Variants in KLHL26 observed in about 807,000 individuals in gnomAD.
KLHL26 encodes the protein kelch like family member 26, also known as kelch-like protein 26.
In KLHL26, 4 loss-of-function variants were observed where a neutral mutation model predicts 7.1. That is an observed-to-expected ratio of 0.56 (90% CI 0.28 to 1.28). KLHL26 has a LOEUF of 1.28. Among genes scored for constraint, KLHL26 ranks in the 50% most tolerant of loss-of-function variants. The pLI is 0.11. For synonymous variants in KLHL26, 465 were observed against 414.1 expected, an observed-to-expected ratio of 1.12 and a Z score of -1.49; for missense variants, 896 against 924.6, an observed-to-expected ratio of 0.97 and a Z score of 0.40.
At chr19:18,643,950 T>C (rs1976759043) in intron 1 of KLHL26, among the ~76,000 whole-genome samples, 1 of 152,206 alleles carries the variant, frequency 6.6e-6, no homozygotes, top group South Asian at 2.1e-4. Flanking sequence ...ATTCACCCAC[T>C]TTAAGTGAAC....
At chr19:18,643,316 G>A (rs71332134) in intron 1 of KLHL26, among the ~76,000 whole-genome samples, 9 of 151,262 alleles carry the variant, frequency 5.9e-5, no homozygotes, top group South Asian at 4.2e-4. Flanking sequence ...TTGGTGGCAC[G>A]TGCCTGTAAT....
Position 18,667,961 on chromosome 19 carries a change from C to A in KLHL26, c.564C>A (p.Thr188=). The part of the protein sequence containing the change: ...ASLRESVDAF[T]FRHFLQIAEE... ...TGCGAGAGTCGGTGGATGCCTTCAC[C>A]TTCCGGCACTTCCTGCAGATCGCCG... The change falls in exon 3 of 3, where the codon ACC becomes ACA. Residue 188 remains threonine (T), a synonymous_variant. Coordinates refer to ENST00000300976, the MANE Select transcript of KLHL26 (RefSeq NM_018316.3). The A allele has an allele frequency of 2.5e-6, 4 of 1,609,080 alleles. No homozygotes were observed. The highest frequency in any genetic ancestry group is 3.4e-6 in the Non-Finnish European group (4 of 1,179,976).
rs564833740 is a variant in KLHL26 at position 18,648,157 on chromosome 19, T to C, written c.83+11020T>C. On this transcript the variant is annotated intron_variant, in intron 1 of 2. Coordinates refer to ENST00000300976, the MANE Select transcript of KLHL26 (RefSeq NM_018316.3). The surrounding 1 kb of genome is among the most constrained non-coding windows in gnomAD (Gnocchi z 4.9). ...GCCAAGGCGGGTAGATCACTTGAGGTCAGGAGTTCGAGACCAGCCTGGGCA... is the reference window on the plus strand; with the variant it reads ...GCCAAGGCGGGTAGATCACTTGAGGCCAGGAGTTCGAGACCAGCCTGGGCA... Among the ~76,000 whole-genome samples, 18 of 152,202 alleles carry C rather than the reference T, an allele frequency of 1.2e-4. No individual in the cohort carries two copies. In the East Asian group the frequency reaches 3.5e-3, roughly 29 times the overall value.
rs1467607154 is a variant in KLHL26, at chr19:18,669,259, C to A, written c.*14C>A. On this transcript the variant is annotated 3_prime_UTR_variant, in exon 3 of 3. Transcript: ENST00000300976. ...ACCAGGAGGTAGCCCCCAAGACCCCCGGGACCCTGGCCTGACCGCATGTTG... is the reference window on the plus strand; with the variant it reads ...ACCAGGAGGTAGCCCCCAAGACCCCAGGGACCCTGGCCTGACCGCATGTTG... 3 of 1,597,338 alleles carry A rather than the reference C, an allele frequency of 1.9e-6. No individual in the cohort carries two copies. In the Admixed American group the frequency reaches 5.1e-5, roughly 27 times the overall value.
rs769493872 is a variant in KLHL26 at position 18,667,599 on chromosome 19, C to T, written c.267-65C>T. On this transcript the variant is annotated intron_variant, in intron 2 of 2. Transcript: ENST00000300976. Reference sequence around the variant, plus strand: ...CAGGCTACTGTTCCCCAGGCCAGATCATTCCTGGCTGGCCAAAACACCCCT... The same window carrying T: ...CAGGCTACTGTTCCCCAGGCCAGATTATTCCTGGCTGGCCAAAACACCCCT... 5.1e-6 allele frequency: 8 copies of T among 1,556,728 alleles called. No homozygotes were observed. In the East Asian group the frequency reaches 1.8e-4, roughly 35 times the overall value.
chr19:18,662,647 T>C (rs959006032), intron 1 of KLHL26, among the ~76,000 whole-genome samples: 1 of 151,990 alleles, frequency 6.6e-6, no homozygotes, highest in African/African-American at 2.4e-5. Context: ...ATGCCATTCG[T>C]GGGAAGCAAT....
Position 18,668,706 on chromosome 19 carries a change from C to A in KLHL26, c.1309C>A (p.Arg437Ser), listed in dbSNP as rs750219008. ...LASVERYCPR[R>S]NEWGYACSLK... is the part of the protein sequence containing the mutation. Reference sequence around the variant, plus strand: ...CTCCGTGGAGCGGTACTGCCCCCGGCGCAATGAGTGGGGCTACGCCTGCTC... The same window carrying A: ...CTCCGTGGAGCGGTACTGCCCCCGGAGCAATGAGTGGGGCTACGCCTGCTC... The change falls in exon 3 of 3, where the codon CGC (arginine) becomes AGC (serine). Residue 437 changes from arginine (R) to serine (S), a missense_variant. Arg to Ser is a moderately radical substitution (Grantham distance 110). Coordinates refer to ENST00000300976, the MANE Select transcript of KLHL26 (RefSeq NM_018316.3). 3.8e-6 allele frequency: 6 copies of A among 1,571,744 alleles called. No individual in the cohort carries two copies. In the Admixed American group the frequency reaches 8.9e-5, roughly 23 times the overall value.
chr19:18,639,846 CG>C (rs975975069), intron 1 of KLHL26, among the ~76,000 whole-genome samples: 4 of 152,082 alleles, frequency 2.6e-5, no homozygotes, highest in Non-Finnish European at 5.9e-5. Context: ...CATACAGCCC[CG>C]GGGACATCCT....
chr19:18,652,827 A>G (rs1468308344), intron 1 of KLHL26, among the ~76,000 whole-genome samples: 1 of 152,110 alleles, frequency 6.6e-6, no homozygotes, highest in Non-Finnish European at 1.5e-5. Flanking sequence ...AAGGCCATCA[A>G]CTGGGGTGGT....
chr19:18,647,318 C>T (rs1976822176), intron 1 of KLHL26, among the ~76,000 whole-genome samples: 1 of 152,240 alleles, frequency 6.6e-6, no homozygotes, highest in Non-Finnish European at 1.5e-5. Flanking sequence ...CATAATCGCA[C>T]CATCTCCAGG....
chr19:18,637,916 C>T (rs1289552963), intron 1 of KLHL26, among the ~76,000 whole-genome samples: 1 of 152,176 alleles, frequency 6.6e-6, no homozygotes, highest in Non-Finnish European at 1.5e-5. Context: ...CCCCTTTCCC[C>T]ATGGCCCAGT....
At chr19:18,665,683 G>A (rs1035550608) in intron 2 of KLHL26, among the ~76,000 whole-genome samples, 2 of 152,240 alleles carry the variant, frequency 1.3e-5, no homozygotes, top group South Asian at 4.1e-4. Flanking sequence ...GGAAGTGAGA[G>A]CACCACAGAG....
intron 1 of KLHL26, among the ~76,000 whole-genome samples, chr19:18,662,260 C>G (rs1000100033): frequency 1.3e-5 from 2 of 152,252 alleles, no homozygotes; most frequent in Non-Finnish European, 2.9e-5. Flanking sequence ...AAGGAAAAAC[C>G]AGACCAAAAT....
intron 2 of KLHL26, among the ~76,000 whole-genome samples, chr19:18,666,085 C>T (rs1024619955): frequency 2.6e-5 from 4 of 152,262 alleles, no homozygotes; most frequent in Non-Finnish European, 4.4e-5. Context: ...TCCCTCCTGT[C>T]GCCTGCGACC....
chr19:18,669,041 C>T lies in KLHL26; in HGVS notation c.1644C>T (p.Gly548=), dbSNP rs558403402. ...CCAGCGTGAGCCCCATGCGGGCCGG[C>T]CAGTCAGAGGCCGGCTGCTGCCTGC... The part of the protein sequence containing the change: ...QWTSVSPMRA[G]QSEAGCCLLE... The change falls in exon 3 of 3, where the codon GGC becomes GGT. Residue 548 remains glycine, a synonymous_variant. Transcript: ENST00000300976. 2 of 1,612,774 alleles carry T rather than the reference C, an allele frequency of 1.2e-6. No individual in the cohort carries two copies. Among genetic ancestry groups the T allele is most frequent in the South Asian group, 2.2e-5 (2 of 91,084 alleles).
At chr19:18,640,856 A>G (rs1304330096) in intron 1 of KLHL26, among the ~76,000 whole-genome samples, 2 of 151,890 alleles carry the variant, frequency 1.3e-5, no homozygotes, top group South Asian at 2.1e-4. Flanking sequence ...AATTTTTAGG[A>G]AACTGCCAAG....
Position 18,667,647 on chromosome 19 carries a change from G to T in KLHL26, c.267-17G>T, listed in dbSNP as rs142862187. On this transcript the variant is annotated splice_polypyrimidine_tract_variant and intron_variant, in intron 2 of 2. Transcript: ENST00000300976. Reference sequence around the variant, plus strand: ...CCTCAGCCACTGCCAGCCACACGTTGTGTTTCTGCCCTTCAGGGCCATGTT... The same window carrying T: ...CCTCAGCCACTGCCAGCCACACGTTTTGTTTCTGCCCTTCAGGGCCATGTT... 6.8e-5 allele frequency: 109 copies of T among 1,599,668 alleles called. No individual in the cohort carries two copies. In the African/African-American group the frequency reaches 1.1e-3, roughly 16 times the overall value.
At chr19:18,651,652 A>G (rs117503794) in intron 1 of KLHL26, among the ~76,000 whole-genome samples, 114 of 152,394 alleles carry the variant, frequency 7.5e-4, no homozygotes, top group Non-Finnish European at 1.4e-3. Flanking sequence ...GAGCAGTGCC[A>G]TGTGGCAGCC....
At chr19:18,665,725 C>A (rs757140373) in intron 2 of KLHL26, among the ~76,000 whole-genome samples, 1 of 152,204 alleles carries the variant, frequency 6.6e-6, no homozygotes, top group South Asian at 2.1e-4. Context: ...GCTTTCTCCT[C>A]GCCAGCTGGG....
Sources: gnomAD v4.1 joint callset for allele counts (sites outside exome capture counted in the v4.1 genomes callset) on GRCh38, gnomAD v4.1.1 for gene constraint, Gnocchi (gnomAD v3.1) non-coding constraint, MANE v1.5 for transcripts, NCBI Gene and HGNC (gene_info 2026-07-23, HGNC 2026-07-21) for gene names.